SYT16: variants seen among roughly 807,000 people sequenced by gnomAD.
The protein encoded by SYT16 is synaptotagmin-16.
In SYT16, 42 loss-of-function variants were observed where a neutral mutation model predicts 61.4. That is an observed-to-expected ratio of 0.68 (90% CI 0.53 to 0.89). The LOEUF is 0.89. Among genes scored for constraint, SYT16 ranks in the 40% least tolerant of loss-of-function variants. The probability of loss-of-function intolerance (pLI) is 0.00; values close to 1 mark genes in which losing one functional copy is unlikely to be tolerated. For missense variants in SYT16, 804 were observed against 807.3 expected (o/e 1.00, Z 0.05); for synonymous variants, 314 against 302.3 (o/e 1.04, Z -0.40).
chr14:61,979,034 ATCTT>A (rs1365755500), intron 2 of SYT16, among the ~76,000 whole-genome samples: 1 of 152,202 alleles, frequency 6.6e-6, no homozygotes, highest in Non-Finnish European at 1.5e-5. Flanking sequence ...CCATCTCTGT[ATCTT>A]TCAGGATCCT....
chr14:62,034,329 A>G (rs1270169273), intron 3 of SYT16, among the ~76,000 whole-genome samples: 1 of 152,188 alleles, frequency 6.6e-6, no homozygotes, highest in Non-Finnish European at 1.5e-5. Context: ...GTTACCATAG[A>G]ACCCAGCAGT....
chr14:62,024,884 T>G (rs1443448822), intron 3 of SYT16, among the ~76,000 whole-genome samples: 2 of 152,234 alleles, frequency 1.3e-5, no homozygotes, highest in Non-Finnish European at 1.5e-5. Flanking sequence ...TGGACTTATA[T>G]AGTATATAGG....
rs1339163904 is a variant in SYT16 at position 62,038,811 on chromosome 14, G to A, written c.524-30792G>A. 2.0e-5 allele frequency among the ~76,000 whole-genome samples: 3 copies of A among 152,162 alleles called. No individual in the cohort carries two copies. The East Asian group carries it at 5.8e-4, about 29-fold the overall frequency. ...CTGGGCTTCAGTAACTTCATCTGTT[G>A]AATAATGATTTAATAGCTTTCTCTG... On this transcript the variant is annotated intron_variant, in intron 3 of 7. Coordinates refer to ENST00000683842, the MANE Select transcript of SYT16 (RefSeq NM_001367656.1).
rs2140578201 is a variant in SYT16 at position 61,985,350 on chromosome 14, G to A, written c.-144-10526G>A. Among the ~76,000 whole-genome samples the A allele has an allele frequency of 2.6e-5, 4 of 152,278 alleles. No individual in the cohort carries two copies. In the South Asian group the frequency reaches 8.3e-4, roughly 32 times the overall value. On this transcript the variant is annotated intron_variant, in intron 2 of 7. Coordinates refer to ENST00000683842, the MANE Select transcript of SYT16 (RefSeq NM_001367656.1). ...TGAATGCTGATGTGTTCATTCACAG[G>A]AGGGGGCCAGTATAAATAAGAATGT...
intron 1 of SYT16, among the ~76,000 whole-genome samples, chr14:61,909,361 G>A (rs1305413050): frequency 1.3e-5 from 2 of 152,180 alleles, no homozygotes; most frequent in African/African-American, 4.8e-5. Context: ...CAGTTCTATA[G>A]TCGAGTCTGA....
At position 62,075,287 on chromosome 14, in the gene SYT16, A is replaced by C. The variant is rs1171744559; in HGVS notation, c.889A>C (p.Arg297=). 1 of 1,613,940 alleles carries C rather than the reference A, an allele frequency of 6.2e-7. No homozygotes were observed. The highest frequency in any genetic ancestry group is 8.5e-7 in the Non-Finnish European group (1 of 1,179,856). The part of the protein sequence containing the change: ...HQESSVVQSL[R]RQSTEGSLEM... ...AGAGTCCAGTGTGGTCCAAAGCCTC[A>C]GGCGCCAATCCACAGAGGGCAGCTT... The change falls in exon 5 of 8, where the codon AGG becomes CGG. Residue 297 remains arginine, a synonymous_variant. Coordinates refer to ENST00000683842, the MANE Select transcript of SYT16 (RefSeq NM_001367656.1).
At chr14:61,816,669 C>A (rs1282404085) in intron 1 of SYT16, among the ~76,000 whole-genome samples, 2 of 152,236 alleles carry the variant, frequency 1.3e-5, no homozygotes, top group African/African-American at 4.8e-5. Flanking sequence ...CAACCCATTT[C>A]TTTAGGATCC....
At chr14:61,972,052 T>C (rs527566497) in intron 2 of SYT16, among the ~76,000 whole-genome samples, 1 of 152,326 alleles carries the variant, frequency 6.6e-6, no homozygotes, top group South Asian at 2.1e-4. Flanking sequence ...ATTATGAACT[T>C]CAGTTTCCTT....
intron 3 of SYT16, among the ~76,000 whole-genome samples, chr14:62,022,071 A>G (rs781443081): frequency 1.9e-4 from 29 of 151,636 alleles, no homozygotes; most frequent in Non-Finnish European, 3.1e-4. Flanking sequence ...GTGGGAGACA[A>G]TCTTTTCCAA....
intron 3 of SYT16, among the ~76,000 whole-genome samples, chr14:62,020,170 A>G (rs181116684): frequency 1.3e-5 from 2 of 152,180 alleles, no homozygotes; most frequent in East Asian, 3.9e-4. Flanking sequence ...TTATTTTGTG[A>G]CACCTTATTT....
At chr14:61,862,255 G>T (rs79655868) in intron 1 of SYT16, among the ~76,000 whole-genome samples, 1,887 of 152,016 alleles carry the variant, frequency 0.012, 36 homozygotes, top group African/African-American at 0.043. Flanking sequence ...TTCCCTTGTC[G>T]CCCATTGCAG....
chr14:61,989,180 A>G (rs1392055294), intron 2 of SYT16, among the ~76,000 whole-genome samples: 1 of 152,208 alleles, frequency 6.6e-6, no homozygotes, highest in Non-Finnish European at 1.5e-5. Context: ...TTAGGGAAAG[A>G]TGATAGGAGT....
chr14:61,981,203 G>A (rs995349961), intron 2 of SYT16, among the ~76,000 whole-genome samples: 50 of 152,146 alleles, frequency 3.3e-4, no homozygotes, highest in Admixed American at 7.9e-4. Context: ...ATTATGGAGG[G>A]CAATCTGCTT....
chr14:61,962,984 TTATG>T (rs1197141848), intron 1 of SYT16, among the ~76,000 whole-genome samples: 2 of 152,150 alleles, frequency 1.3e-5, no homozygotes, highest in Non-Finnish European at 2.9e-5. Context: ...GTCAAGCAGT[TTATG>T]TATCTCCATT....
intron 1 of SYT16, among the ~76,000 whole-genome samples, chr14:61,906,575 T>A (rs550002458): frequency 6.6e-6 from 1 of 152,308 alleles, no homozygotes; most frequent in Admixed American, 6.5e-5. Context: ...GTAAATCATC[T>A]CCTATATGTT....
intron 1 of SYT16, among the ~76,000 whole-genome samples, chr14:61,928,499 C>T (rs938233999): frequency 8.5e-5 from 13 of 152,190 alleles, no homozygotes; most frequent in African/African-American, 3.1e-4. Flanking sequence ...AATACCTAGT[C>T]CAGAGAGGGT....
At chr14:62,005,097 G>A (rs1466439656) in intron 3 of SYT16, among the ~76,000 whole-genome samples, 1 of 152,172 alleles carries the variant, frequency 6.6e-6, no homozygotes, top group Non-Finnish European at 1.5e-5. Flanking sequence ...CCTTGTGAGA[G>A]TATTGGGTTG....
At chr14:61,917,464 G>A (rs1448131210) in intron 1 of SYT16, among the ~76,000 whole-genome samples, 1 of 152,104 alleles carries the variant, frequency 6.6e-6, no homozygotes, top group African/African-American at 2.4e-5. Flanking sequence ...GAGGAAGGAA[G>A]CTATCTTCTA....
In SYT16 at chr14:61,909,866, C is replaced by T. The variant is rs752685910; in HGVS notation, c.-324-60266C>T. ...CACTTGGAGACGTCCTTGGTCTTTC[C>T]GTACCTGTGTTTTTTTCTTCTAAGT... is the stretch of plus-strand genomic sequence containing the variant. On this transcript the variant is annotated intron_variant, in intron 1 of 7. Coordinates refer to ENST00000683842, the MANE Select transcript of SYT16 (RefSeq NM_001367656.1). Among the ~76,000 whole-genome samples the T allele has an allele frequency of 5.6e-4, 86 of 152,268 alleles. 2 individuals carry two copies. The highest frequency in any genetic ancestry group is 3.9e-4 in the Admixed American group (6 of 15,290).
Sources: gnomAD v4.1 joint callset for allele counts (sites outside exome capture counted in the v4.1 genomes callset) on GRCh38, gnomAD v4.1.1 for gene constraint, MANE v1.5 for transcripts, NCBI Gene and HGNC (gene_info 2026-07-23, HGNC 2026-07-21) for gene names.